ZNF107: variants seen among roughly 807,000 people sequenced by gnomAD.
The protein encoded by ZNF107 is C2H2 type zinc-finger protein.
ZNF107 carries 19 observed loss-of-function variants against 12.3 expected under a neutral mutation model. That is an observed-to-expected ratio of 1.55 (90% CI 1.08 to 2.27). The LOEUF is 2.27. ZNF107 is among the 30% of genes most tolerant of loss of function. The pLI, the probability that ZNF107 is intolerant of heterozygous loss-of-function variation, is 0.00. For synonymous variants in ZNF107, 317 were observed against 330.5 expected, an observed-to-expected ratio of 0.96 and a Z score of 0.44; for missense variants, 958 against 979.9, an observed-to-expected ratio of 0.98 and a Z score of 0.30.
chr7:64,700,506 C>CTTTTTT lies in ZNF107; in HGVS notation c.227-5794_227-5789dup, dbSNP rs141980471. Among the ~76,000 whole-genome samples, 159 of 66,252 alleles carry CTTTTTT rather than the reference C, an allele frequency of 2.4e-3. 20 individuals are homozygous for CTTTTTT. The highest frequency in any genetic ancestry group is 4.6e-3 in the Admixed American group (16 of 3,474). The allele number at this position is 66,252 out of a possible 152,430, so 43.5% of individuals were successfully genotyped here. On this transcript the variant is annotated intron_variant, in intron 3 of 3. Transcript: ENST00000620827. ...GTCTGTCAAACCAAGCCAAATAAAC[C>CTTTTTT]TTTTTTTTTTTTTTTTTTTTTTTTT...
chr7:64,687,036 T>C, intron 1 of ZNF107: 4 of 985,494 alleles, frequency 4.1e-6, no homozygotes, highest in Non-Finnish European at 4.8e-6. Flanking sequence ...AAATGTGTTT[T>C]AGGGGAAGTT....
At chr7:64,699,404 G>A (rs1790395629) in intron 3 of ZNF107, among the ~76,000 whole-genome samples, 1 of 151,992 alleles carries the variant, frequency 6.6e-6, no homozygotes, top group Non-Finnish European at 1.5e-5. Flanking sequence ...TATGATTTTG[G>A]TCTTCTTAAA....
At chr7:64,678,318 A>G (rs1261745571) in intron 1 of ZNF107, among the ~76,000 whole-genome samples, 1 of 152,246 alleles carries the variant, frequency 6.6e-6, no homozygotes, top group African/African-American at 2.4e-5. Context: ...TTGACAGAAA[A>G]TGGATTATCC....
chr7:64,680,525 C>G (rs1202298168), intron 1 of ZNF107, among the ~76,000 whole-genome samples: 2 of 152,144 alleles, frequency 1.3e-5, no homozygotes, highest in African/African-American at 2.4e-5. Flanking sequence ...ATTATATGAT[C>G]ACTTGCTTAG....
chr7:64,689,824 A>C (rs1200487096), intron 1 of ZNF107: 1 of 152,182 alleles, frequency 6.6e-6, no homozygotes, highest in Non-Finnish European at 1.5e-5. Context: ...GTCTCAGTGT[A>C]AGAGAAATGA....
rs59553545 is a variant in ZNF107 at position 64,705,968 on chromosome 7, T to TA, written c.227-345dup. On this transcript the variant is annotated intron_variant, in intron 3 of 3. Coordinates refer to ENST00000620827, the MANE Select transcript of ZNF107 (RefSeq NM_001282359.2). ...TGTTTGTTATTATTTTTCTTGTCTT[T>TA]AAAAAAAAAAACACTAAGAGTTGGC... is the stretch of plus-strand genomic sequence containing the variant. 1.3e-3 allele frequency among the ~76,000 whole-genome samples: 185 copies of TA among 146,338 alleles called. 1 individual carries two copies. The highest frequency in any genetic ancestry group is 6.5e-3 in the East Asian group (33 of 5,082).
Position 64,707,185 on chromosome 7 carries a change from A to T in ZNF107, c.1088A>T (p.His363Leu), listed in dbSNP as rs372685332. 5.6e-6 allele frequency: 9 copies of T among 1,613,658 alleles called. No homozygotes were observed. In the African/African-American group the frequency reaches 1.2e-4, roughly 22 times the overall value. The change falls in exon 4 of 4, where the codon CAT becomes CTT. Residue 363 changes from histidine (H) to leucine (L), a missense_variant. Physicochemically the swap from His to Leu is moderately conservative, Grantham distance 99. Coordinates refer to ENST00000620827, the MANE Select transcript of ZNF107 (RefSeq NM_001282359.2). ...AACCTTAATAAACAGGAGAAAATTC[A>T]TACTGGAGGGAAACTCAACAAATGT... The part of the protein sequence containing the change: ...SSNLNKQEKI[H>L]TGGKLNKCEE...
intron 1 of ZNF107, chr7:64,686,962 C>T (rs182690014): frequency 2.3e-5 from 23 of 985,412 alleles, no homozygotes; most frequent in East Asian, 1.1e-4. Flanking sequence ...ATATGCCCCC[C>T]GTTATTCATA....
chr7:64,708,957 C>T lies in ZNF107; in HGVS notation c.*301C>T. The T allele has an allele frequency of 4.0e-6, 2 of 497,736 alleles. No individual in the cohort carries two copies. The highest frequency in any genetic ancestry group is 7.4e-6 in the Non-Finnish European group (2 of 269,320). 30.8% of individuals were successfully genotyped at this position (497,736 alleles called of 1,614,324 possible). A position where few individuals can be genotyped will look rare whatever the true frequency, so the allele number is the denominator to read the frequency against. ...TAAGGTAATTCATACTGGAGAAAAG[C>T]CATACAAATGAGAAGAATGTGGCAA... On this transcript the variant is annotated 3_prime_UTR_variant, in exon 4 of 4. Coordinates refer to ENST00000620827, the MANE Select transcript of ZNF107 (RefSeq NM_001282359.2).
Position 64,710,793 on chromosome 7 carries a change from A to T in ZNF107, c.*2137A>T, listed in dbSNP as rs1344338507. The T allele has an allele frequency of 1.3e-5, 2 of 152,166 alleles. No individual in the cohort carries two copies. The highest frequency in any genetic ancestry group is 4.8e-5 in the African/African-American group (2 of 41,440). 9.4% of individuals were successfully genotyped at this position (152,166 alleles called of 1,614,324 possible). On this transcript the variant is annotated 3_prime_UTR_variant, in exon 4 of 4. Coordinates refer to ENST00000620827, the MANE Select transcript of ZNF107 (RefSeq NM_001282359.2). Reference sequence around the variant, plus strand: ...GTCGGTATTATTTATGACACTTTCTATGAAAGAATAAGGACATTAAAATGT... The same window carrying T: ...GTCGGTATTATTTATGACACTTTCTTTGAAAGAATAAGGACATTAAAATGT...
chr7:64,691,795 C>G, intron 2 of ZNF107, 70 bp from the exon 3 acceptor site: 1 of 816,514 alleles, frequency 1.2e-6, no homozygotes, highest in Non-Finnish European at 1.7e-6. Flanking sequence ...CTTTACTGAG[C>G]ACCTTACTGG....
chr7:64,686,637 A>G (rs10263594), intron 1 of ZNF107: 914,026 of 985,334 alleles, frequency 0.93, 424,039 homozygotes, highest in African/African-American at 0.94. Flanking sequence ...CTCTGTGACC[A>G]GCACATATGC....
At chr7:64,676,583 C>T (rs1476644539) in intron 1 of ZNF107, among the ~76,000 whole-genome samples, 1 of 152,156 alleles carries the variant, frequency 6.6e-6, no homozygotes, top group Non-Finnish European at 1.5e-5. Context: ...ACTCCAAACT[C>T]ATTAAGCCAA....
chr7:64,691,177 A>G lies in ZNF107; in HGVS notation c.4-71A>G, dbSNP rs181885407. ...ATGAACCACAGTACCCGACTATCCT[A>G]TACATTTTTTTAAAAATTCAATGAC... On this transcript the variant is annotated intron_variant, in intron 1 of 3. Coordinates refer to ENST00000620827, the MANE Select transcript of ZNF107 (RefSeq NM_001282359.2). The G allele has an allele frequency of 1.6e-5, 21 of 1,304,446 alleles. No individual in the cohort carries two copies. The African/African-American group carries it at 1.9e-4, about 12-fold the overall frequency. 80.8% of individuals were successfully genotyped at this position (1,304,446 alleles called of 1,614,324 possible).
At chr7:64,692,630 A>G (rs11980700) in intron 3 of ZNF107, among the ~76,000 whole-genome samples, 52,960 of 152,058 alleles carry the variant, frequency 0.35, 9,740 homozygotes, top group Non-Finnish European at 0.4. Flanking sequence ...CTTTATCAAT[A>G]TTTATTATTT....
chr7:64,675,534 T>G (rs1267020396), intron 1 of ZNF107, among the ~76,000 whole-genome samples: 2 of 152,116 alleles, frequency 1.3e-5, no homozygotes, highest in Non-Finnish European at 2.9e-5. Flanking sequence ...ATTAATTTTT[T>G]CAAAGATTTA....
intron 1 of ZNF107, chr7:64,686,820 C>T (rs1208495207): frequency 6.5e-6 from 6 of 921,492 alleles, no homozygotes; most frequent in South Asian, 1.0e-4. Flanking sequence ...CTCACACCTC[C>T]GGGCTGACTC....
chr7:64,676,673 A>G (rs151140990), intron 1 of ZNF107, among the ~76,000 whole-genome samples: 6 of 152,356 alleles, frequency 3.9e-5, no homozygotes, highest in African/African-American at 1.4e-4. Context: ...TTAAAAGATG[A>G]AAAGCTGCAT....
At chr7:64,679,318 C>A (rs1346943515) in intron 1 of ZNF107, 2 of 985,186 alleles carry the variant, frequency 2.0e-6, no homozygotes, top group East Asian at 2.3e-4. Flanking sequence ...GTAAAAGCCC[C>A]GCCTCTGCCT....
Sources: allele counts gnomAD v4.1 joint callset (sites outside exome capture counted in the v4.1 genomes callset), GRCh38; gene constraint gnomAD v4.1.1; transcripts MANE v1.5; gene names NCBI Gene and HGNC (gene_info 2026-07-23, HGNC 2026-07-21).